The following BRAF variants were observed in gnomAD, a reference collection of about 807,000 sequenced individuals.
The protein encoded by BRAF is serine/threonine-protein kinase B-raf.
In BRAF, 16 loss-of-function variants were observed where a neutral mutation model predicts 104.6. The ratio of observed to expected loss-of-function variants is 0.15; its 90% CI spans 0.10 to 0.23. The LOEUF is 0.23. Among genes scored for constraint, BRAF ranks in the 10% least tolerant of loss-of-function variants. BRAF has a pLI of 1.00. For missense variants in BRAF, 541 were observed against 937.3 expected (o/e 0.58, Z 5.52); for synonymous variants, 310 against 341.6 (o/e 0.91, Z 1.02).
chr7:140,895,786 C>T (rs1814815972), intron 1 of BRAF, among the ~76,000 whole-genome samples: 1 of 152,144 alleles, frequency 6.6e-6, no homozygotes, highest in South Asian at 2.1e-4. Flanking sequence ...AATAGCATTC[C>T]ATCGGATGCT....
chr7:140,894,878 T>C (rs188521286), intron 1 of BRAF, among the ~76,000 whole-genome samples: 1 of 152,226 alleles, frequency 6.6e-6, no homozygotes, highest in African/African-American at 2.4e-5. Flanking sequence ...AAGTTGAAAG[T>C]CAAAGAATGG....
At chr7:140,861,064 GGATA>G (rs1284217706) in intron 1 of BRAF, among the ~76,000 whole-genome samples, 1 of 152,114 alleles carries the variant, frequency 6.6e-6, no homozygotes, top group Non-Finnish European at 1.5e-5. Context: ...GCAAGTTTCA[GGATA>G]TATACAACTT....
intron 14 of BRAF, among the ~76,000 whole-genome samples, chr7:140,759,696 G>A (rs1208433209): frequency 6.6e-6 from 1 of 152,210 alleles, no homozygotes; most frequent in Non-Finnish European, 1.5e-5. Flanking sequence ...CTGATTACAG[G>A]TATTTTAAAT....
chr7:140,874,255 G>A (rs574920238), intron 1 of BRAF, among the ~76,000 whole-genome samples: 100 of 147,620 alleles, frequency 6.8e-4, no homozygotes, highest in African/African-American at 2.3e-3. Flanking sequence ...AGACTGGAGT[G>A]CAGTGGCGCG....
intron 17 of BRAF, 128 bp from the exon 17 acceptor site, chr7:140,740,074 A>G: frequency 5.8e-6 from 6 of 1,026,136 alleles, no homozygotes; most frequent in Non-Finnish European, 8.4e-6. Flanking sequence ...ACCTCAATAA[A>G]AAGTTTTAAA....
intron 1 of BRAF, among the ~76,000 whole-genome samples, chr7:140,897,922 AG>A (rs1194551693): frequency 4.6e-5 from 7 of 152,222 alleles, no homozygotes; most frequent in Admixed American, 4.6e-4. Flanking sequence ...AGGCTAGGGC[AG>A]GAACAGTGTC....
chr7:140,859,228 T>C (rs1810130998), intron 1 of BRAF, among the ~76,000 whole-genome samples: 1 of 152,206 alleles, frequency 6.6e-6, no homozygotes, highest in Non-Finnish European at 1.5e-5. Context: ...CCTGTTTTGG[T>C]AGCTTATCAA....
At chr7:140,920,301 A>G (rs1006435976) in intron 1 of BRAF, among the ~76,000 whole-genome samples, 3 of 152,216 alleles carry the variant, frequency 2.0e-5, no homozygotes, top group African/African-American at 4.8e-5. Flanking sequence ...AAGAGAAAAC[A>G]ATTTTATAAT....
chr7:140,806,801 C>A (rs1449999900), intron 5 of BRAF, among the ~76,000 whole-genome samples: 1 of 152,056 alleles, frequency 6.6e-6, no homozygotes, highest in African/African-American at 2.4e-5. Context: ...CCAAAAAATG[C>A]CTTACAGAAA....
At chr7:140,923,693 T>C (rs560424944) in intron 1 of BRAF, among the ~76,000 whole-genome samples, 1 of 152,200 alleles carries the variant, frequency 6.6e-6, no homozygotes, top group South Asian at 2.1e-4. Flanking sequence ...AGAAAACAAG[T>C]AGCTCCAAAG....
rs115032481 is a variant in BRAF at position 140,788,296 on chromosome 7, T to C, written c.1141-712A>G. ...GGAAATAATTCAGAAGAAAAAGTGA[T>C]ATGCACAAAGATGTTTAGTGCAACA... On this transcript the variant is annotated intron_variant, in intron 8 of 19. Coordinates refer to ENST00000644969, the MANE Select transcript of BRAF (RefSeq NM_001374258.1). Among the ~76,000 whole-genome samples, 767 of 152,316 alleles carry C rather than the reference T, an allele frequency of 5.0e-3. 4 individuals are homozygous for C. Among genetic ancestry groups the C allele is most frequent in the African/African-American group, 0.018 (731 of 41,562 alleles).
At chr7:140,823,895 C>T (rs897096394) in intron 3 of BRAF, 1 of 152,152 alleles carries the variant, frequency 6.6e-6, no homozygotes, top group Non-Finnish European at 1.5e-5. Flanking sequence ...TTTTGATTTG[C>T]ATGTTCCTAA....
At chr7:140,832,215 A>G (rs1343051170) in intron 3 of BRAF, among the ~76,000 whole-genome samples, 2 of 152,210 alleles carry the variant, frequency 1.3e-5, no homozygotes, top group African/African-American at 4.8e-5. Context: ...AGTCCACTTT[A>G]AAAAACATAA....
At chr7:140,785,230 GC>G (rs1350508901) in intron 10 of BRAF, among the ~76,000 whole-genome samples, 1 of 151,886 alleles carries the variant, frequency 6.6e-6, no homozygotes, top group African/African-American at 2.4e-5. Context: ...AAGGCCAAAA[GC>G]CTAATAAAAT....
chr7:140,828,181 C>T (rs1461357778), intron 3 of BRAF, among the ~76,000 whole-genome samples: 1 of 152,158 alleles, frequency 6.6e-6, no homozygotes, highest in Non-Finnish European at 1.5e-5. Context: ...GCATGAGCTA[C>T]CGTACCTGGC....
rs1001912387 is a variant in BRAF at position 140,865,095 on chromosome 7, T to C, written c.139-14883A>G. Among the ~76,000 whole-genome samples the C allele has an allele frequency of 3.9e-5, 6 of 151,900 alleles. No homozygotes were observed. The South Asian group carries it at 8.3e-4, about 21-fold the overall frequency. ...GAGGAAATGAATTTTTTTTTTTTTT[T>C]CTGAGACAGAGTCTCATTCTGTTGC... On this transcript the variant is annotated intron_variant, in intron 1 of 19. Coordinates refer to ENST00000644969, the MANE Select transcript of BRAF (RefSeq NM_001374258.1).
At chr7:140,837,605 C>G (rs773695392) in intron 2 of BRAF, among the ~76,000 whole-genome samples, 11 of 152,198 alleles carry the variant, frequency 7.2e-5, no homozygotes, top group Non-Finnish European at 1.3e-4. Flanking sequence ...TTACCACACA[C>G]TGTTGGAGAA....
At chr7:140,729,004 C>T (rs531037632) in intron 19 of BRAF, among the ~76,000 whole-genome samples, 78 of 147,640 alleles carry the variant, frequency 5.3e-4, no homozygotes, top group African/African-American at 2.0e-3. Context: ...GGCAGGAGGA[C>T]TGCTTGAGCC....
At chr7:140,785,334 T>G (rs1031896636) in intron 10 of BRAF, among the ~76,000 whole-genome samples, 6 of 152,172 alleles carry the variant, frequency 3.9e-5, no homozygotes, top group Non-Finnish European at 8.8e-5. Context: ...CTTAAATGCA[T>G]TAAAATCAAA....
Sources: gnomAD v4.1 joint callset for allele counts (sites outside exome capture counted in the v4.1 genomes callset) on GRCh38, gnomAD v4.1.1 for gene constraint, MANE v1.5 for transcripts, NCBI Gene and HGNC (gene_info 2026-07-23, HGNC 2026-07-21) for gene names.